The following MET variants were observed in gnomAD, a reference collection of about 807,000 sequenced individuals.
The protein encoded by MET is MET proto-oncogene, receptor tyrosine kinase.
Under a neutral mutation model 133.1 loss-of-function variants are expected in MET, and 48 were observed. The ratio of observed to expected loss-of-function variants is 0.36; its 90% CI spans 0.29 to 0.46. The LOEUF is 0.46. MET is among the 20% of genes least tolerant of loss of function. The pLI, the probability that MET is intolerant of heterozygous loss-of-function variation, is 1.00. For missense variants in MET, 1,442 were observed against 1,695.9 expected (o/e 0.85, Z 2.63); for synonymous variants, 628 against 616.5 (o/e 1.02, Z -0.28).
At chr7:116,747,356 A>G (rs1039890932) in intron 5 of MET, among the ~76,000 whole-genome samples, 5 of 152,126 alleles carry the variant, frequency 3.3e-5, no homozygotes, top group Non-Finnish European at 7.4e-5. Context: ...GTCAAGACCC[A>G]TTGGTGTGCT....
chr7:116,774,799 C>T (rs2117028589), intron 14 of MET, 82 bp from the exon 15 acceptor site: 1 of 1,033,924 alleles, frequency 9.7e-7, no homozygotes, highest in East Asian at 2.4e-5. Flanking sequence ...AAACTAATTC[C>T]ATTATAAAAG....
intron 2 of MET, chr7:116,724,754 C>T: frequency 8.7e-7 from 1 of 1,151,130 alleles, no homozygotes; most frequent in Non-Finnish European, 1.2e-6. Context: ...TCAATTCGCT[C>T]AACCTCTCCC....
At chr7:116,755,852 A>G (rs1794158600) in intron 6 of MET, among the ~76,000 whole-genome samples, 1 of 152,224 alleles carries the variant, frequency 6.6e-6, no homozygotes, top group African/African-American at 2.4e-5. Flanking sequence ...CTTCAAATGT[A>G]GAGTCTCCAA....
At chr7:116,681,161 G>C (rs1040203556) in intron 1 of MET, among the ~76,000 whole-genome samples, 2 of 152,082 alleles carry the variant, frequency 1.3e-5, no homozygotes, top group Non-Finnish European at 2.9e-5. Flanking sequence ...CCTCCCCTCA[G>C]TTACCAGGAA....
Position 116,724,830 on chromosome 7 carries a change from C to T in MET, c.1201-6838C>T, listed in dbSNP as rs1342756381. The T allele has an allele frequency of 3.1e-6, 4 of 1,289,130 alleles. No homozygotes were observed. The Admixed American group carries it at 9.2e-5, about 30-fold the overall frequency. The allele number at this position is 1,289,130 out of a possible 1,614,324, so 79.9% of individuals were successfully genotyped here. A position where few individuals can be genotyped will look rare whatever the true frequency, so the allele number is the denominator to read the frequency against. On this transcript the variant is annotated intron_variant, in intron 2 of 20. Transcript: ENST00000397752. ...TGGAGCCAGAGAGCCTAGGCTTAGT[C>T]CTAGCCCTGCACTGAAGGTAATGTG...
intron 10 of MET, among the ~76,000 whole-genome samples, chr7:116,760,681 G>T (rs1179201081): frequency 6.6e-6 from 1 of 152,140 alleles, no homozygotes; most frequent in African/African-American, 2.4e-5. Flanking sequence ...CCAATTTGGG[G>T]CTAAAAATGT....
At position 116,798,067 on chromosome 7, in the gene MET, C is replaced by T; in HGVS notation, c.*1943C>T. The stretch of plus-strand genomic sequence containing the variant: ...GGTGGATGACAAAAGAAAATCTGCT[C>T]TGTGGAAAGAAAGAACTGTCTCTAC... On this transcript the variant is annotated 3_prime_UTR_variant, in exon 21 of 21. Transcript: ENST00000397752. 4.5e-6 allele frequency: 1 copy of T among 221,690 alleles called. No individual in the cohort carries two copies. The highest frequency in any genetic ancestry group is 9.0e-6 in the Non-Finnish European group (1 of 110,528). 13.7% of individuals were successfully genotyped at this position (221,690 alleles called of 1,614,324 possible). A position where few individuals can be genotyped will look rare whatever the true frequency, so the allele number is the denominator to read the frequency against.
rs372830789 is a variant in MET, at chr7:116,778,956, A to G, written c.3521A>G (p.His1174Arg). 7.2e-5 allele frequency: 116 copies of G among 1,613,674 alleles called. No individual in the cohort carries two copies. In the African/African-American group the frequency reaches 1.5e-3, roughly 20 times the overall value. The change falls in exon 17 of 21, where the codon CAT becomes CGT. Residue 1174 changes from histidine to arginine, a missense_variant and splice_region_variant. Around this residue, in one of 6 missense-constraint regions of MET, gnomAD observed 514 missense variants for 659.6 expected, o/e 0.78. Transcript: ENST00000397752. Reference sequence around the variant, plus strand: ...CGAAATTTCATTCGAAATGAGACTCATGTAAGTTGACTGCCAAGCTTACTA... The same window carrying G: ...CGAAATTTCATTCGAAATGAGACTCGTGTAAGTTGACTGCCAAGCTTACTA... The part of the protein sequence containing the change: ...DLRNFIRNET[H>R]NPTVKDLIGF...
At chr7:116,726,525 G>A (rs189587519) in intron 2 of MET, among the ~76,000 whole-genome samples, 263 of 151,938 alleles carry the variant, frequency 1.7e-3, no homozygotes, top group African/African-American at 6.0e-3. Context: ...AAATGAACTC[G>A]TAAAGAGAGA....
At chr7:116,768,393 G>A (rs980201638) in intron 11 of MET, among the ~76,000 whole-genome samples, 5 of 152,042 alleles carry the variant, frequency 3.3e-5, no homozygotes, top group Admixed American at 6.6e-5. Flanking sequence ...ACAAGTTGTC[G>A]TTTGAAGCCC....
At chr7:116,759,696 A>G in intron 10 of MET, 2 of 607,850 alleles carry the variant, frequency 3.3e-6, no homozygotes, top group Admixed American at 2.3e-5. Context: ...ACATACACAT[A>G]CACACATGCA....
chr7:116,748,373 G>T (rs1332866600), intron 5 of MET, among the ~76,000 whole-genome samples: 2 of 152,194 alleles, frequency 1.3e-5, no homozygotes, highest in Admixed American at 1.3e-4. Context: ...TATTTTTCAA[G>T]TTAAATAATG....
chr7:116,771,763 C>T (rs2116994551), intron 13 of MET, 86 bp from the exon 14 acceptor site: 1 of 1,609,542 alleles, frequency 6.2e-7, no homozygotes, highest in Admixed American at 1.7e-5. Context: ...GTCCATAAAA[C>T]CCATGAGTTC....
rs1796150520 is a variant in MET, at chr7:116,676,099, T to G, written c.-15+3522T>G. Among the ~76,000 whole-genome samples the G allele has an allele frequency of 2.0e-5, 3 of 152,220 alleles. 1 individual carries two copies. Among genetic ancestry groups the G allele is most frequent in the Admixed American group, 2.0e-4 (3 of 15,284 alleles). ...CGTGTGGCATTTGTAGCAGGAGGTATGAGCTCAGTGAAATAAAAAAGTTAA... is the reference window on the plus strand; with the variant it reads ...CGTGTGGCATTTGTAGCAGGAGGTAGGAGCTCAGTGAAATAAAAAAGTTAA... On this transcript the variant is annotated intron_variant, in intron 1 of 20. Coordinates refer to ENST00000397752, the MANE Select transcript of MET (RefSeq NM_000245.4).
chr7:116,687,630 A>T (rs1488348455), intron 1 of MET, among the ~76,000 whole-genome samples: 2 of 152,226 alleles, frequency 1.3e-5, no homozygotes, highest in Non-Finnish European at 2.9e-5. Context: ...CCTAAATAAG[A>T]AAATGTCATA....
chr7:116,755,451 A>G lies in MET; in HGVS notation c.1798A>G (p.Lys600Glu). 6.2e-7 allele frequency: 1 copy of G among 1,614,178 alleles called. No individual in the cohort carries two copies. The highest frequency in any genetic ancestry group is 8.5e-7 in the Non-Finnish European group (1 of 1,180,026). The change falls in exon 6 of 21, where the codon AAA becomes GAA. Residue 600 changes from lysine (K) to glutamate (E), a missense_variant. Physicochemically the swap from Lys to Glu is moderately conservative, Grantham distance 56 (BLOSUM62 1). Coordinates refer to ENST00000397752, the MANE Select transcript of MET (RefSeq NM_000245.4). ...GAGGAATAATAAATTTGATTTAAAG[A>G]AAACTAGAGTTCTCCTTGGAAATGA... ...FRRNNKFDLKKTRVLLGNESC... is the reference protein window; with the variant it reads ...FRRNNKFDLKETRVLLGNESC...
chr7:116,713,311 C>A (rs57132241), intron 2 of MET, among the ~76,000 whole-genome samples: 3,609 of 150,614 alleles, frequency 0.024, 104 homozygotes, highest in African/African-American at 0.061. Context: ...AGGAGAATGG[C>A]GTGAACCCGG....
intron 5 of MET, among the ~76,000 whole-genome samples, chr7:116,745,298 G>T (rs1793624399): frequency 6.6e-6 from 1 of 152,122 alleles, no homozygotes; most frequent in South Asian, 2.1e-4. Flanking sequence ...ACAAATGGAA[G>T]AATATTCCAT....
chr7:116,740,764 T>C lies in MET; in HGVS notation c.1528-88T>C, dbSNP rs1386763556. On this transcript the variant is annotated intron_variant, in intron 4 of 20. Transcript: ENST00000397752. ...TCTAGAAAATTCCATCAAATGATATTTACATGTACCTTTTGTGTACTTACT... is the reference window on the plus strand; with the variant it reads ...TCTAGAAAATTCCATCAAATGATATCTACATGTACCTTTTGTGTACTTACT... 2.7e-6 allele frequency: 4 copies of C among 1,503,472 alleles called. No homozygotes were observed. In the Admixed American group the frequency reaches 5.0e-5, roughly 19 times the overall value. 93.1% of individuals were successfully genotyped at this position (1,503,472 alleles called of 1,614,324 possible).
Sources: allele counts gnomAD v4.1 joint callset (sites outside exome capture counted in the v4.1 genomes callset), GRCh38; gene constraint gnomAD v4.1.1; regional missense constraint gnomAD v4.1.1; transcripts MANE v1.5; gene names NCBI Gene and HGNC (gene_info 2026-07-23, HGNC 2026-07-21).